Variants in CFAP97D1 observed in about 807,000 individuals in gnomAD.
CFAP97D1 encodes the protein sperm axonemal maintenance protein CFAP97D1.
In CFAP97D1, 15 loss-of-function variants were observed where a neutral mutation model predicts 20.5. That is an observed-to-expected ratio of 0.73 (90% CI 0.49 to 1.13). CFAP97D1 has a LOEUF of 1.13. CFAP97D1 is among the 50% of genes most tolerant of loss of function. The pLI, the probability that CFAP97D1 is intolerant of heterozygous loss-of-function variation, is 0.00. For synonymous variants in CFAP97D1, 58 were observed against 71.2 expected (o/e 0.82, Z 0.93); for missense variants, 168 against 202.9 (o/e 0.83, Z 1.04).
intron 1 of CFAP97D1, 97 bp downstream of exon 1, chr17:43,780,683 G>C: frequency 7.4e-7 from 1 of 1,358,674 alleles, no homozygotes; most frequent in Middle Eastern, 1.8e-4. Context: ...CACAGCTTTG[G>C]GATGATATGG....
rs2044277583 is a variant in CFAP97D1 at position 43,784,407 on chromosome 17, A to C, written c.*25A>C. On this transcript the variant is annotated 3_prime_UTR_variant, in exon 6 of 6. Transcript: ENST00000449302. ...GGTTACTCACCATGGAAAAGATACAAGAGAAGGCCCTAGGATTTCTTGGCT... is the reference window on the plus strand; with the variant it reads ...GGTTACTCACCATGGAAAAGATACACGAGAAGGCCCTAGGATTTCTTGGCT... 1 of 152,456 alleles carries C rather than the reference A, an allele frequency of 6.6e-6. No individual in the cohort carries two copies. The highest frequency in any genetic ancestry group is 1.5e-5 in the Non-Finnish European group (1 of 68,232). 9.4% of individuals were successfully genotyped at this position (152,456 alleles called of 1,614,324 possible).
chr17:43,786,860 T>A lies in CFAP97D1; in HGVS notation c.*2478T>A, dbSNP rs2044295863. 6.6e-6 allele frequency: 1 copy of A among 152,242 alleles called. No individual in the cohort carries two copies. Among genetic ancestry groups the A allele is most frequent in the South Asian group, 2.1e-4 (1 of 4,832 alleles). 9.4% of individuals were successfully genotyped at this position (152,242 alleles called of 1,614,324 possible). On this transcript the variant is annotated 3_prime_UTR_variant, in exon 6 of 6. Transcript: ENST00000449302. ...GTTCATCCAAGTTGTGTGTGCCTTT[T>A]TATTGCTGAGTAGTATTCCATGGTA...
intron 1 of CFAP97D1, 53 bp from the exon 2 acceptor site, chr17:43,781,066 G>A (rs1264462997): frequency 1.4e-6 from 2 of 1,380,324 alleles, no homozygotes; most frequent in South Asian, 1.2e-5. Flanking sequence ...TTCTGAGGCC[G>A]CTACTGGAAT....
At position 43,785,906 on chromosome 17, in the gene CFAP97D1, C is replaced by T. The variant is rs969252132; in HGVS notation, c.*1524C>T. On this transcript the variant is annotated 3_prime_UTR_variant, in exon 6 of 6. Coordinates refer to ENST00000449302, the MANE Select transcript of CFAP97D1 (RefSeq NM_001136483.3). ...TCAATTGGATCCTGTGTCCAAGCCCCGCCTCTGGAGTCAAGGCCTGCCTCC... is the reference window on the plus strand; with the variant it reads ...TCAATTGGATCCTGTGTCCAAGCCCTGCCTCTGGAGTCAAGGCCTGCCTCC... The T allele has an allele frequency of 2.0e-5, 3 of 152,130 alleles. No individual in the cohort carries two copies. Among genetic ancestry groups the T allele is most frequent in the Non-Finnish European group, 2.9e-5 (2 of 68,058 alleles). 9.4% of individuals were successfully genotyped at this position (152,130 alleles called of 1,614,324 possible). A position where few individuals can be genotyped will look rare whatever the true frequency, so the allele number is the denominator to read the frequency against.
rs941214873 is a variant in CFAP97D1 at position 43,784,789 on chromosome 17, A to C, written c.*407A>C. On this transcript the variant is annotated 3_prime_UTR_variant, in exon 6 of 6. Transcript: ENST00000449302. ...ACATCAAGGTTCAGAAAACACAAGG[A>C]ACAAATGCCATTAGTTCCTCTGTGA... 1 of 152,218 alleles carries C rather than the reference A, an allele frequency of 6.6e-6. No homozygotes were observed. Among genetic ancestry groups the C allele is most frequent in the African/African-American group, 2.4e-5 (1 of 41,442 alleles). The allele number at this position is 152,218 out of a possible 1,614,324, so 9.4% of individuals were successfully genotyped here.
At chr17:43,780,731 C>A in intron 1 of CFAP97D1, 145 bp downstream of exon 1, 1 of 871,694 alleles carries the variant, frequency 1.1e-6, no homozygotes, top group Non-Finnish European at 1.7e-6. Context: ...GCATTAGCAC[C>A]AATAACAAAA....
rs1470633785 is a variant in CFAP97D1 at position 43,786,195 on chromosome 17, G to T, written c.*1813G>T. On this transcript the variant is annotated 3_prime_UTR_variant, in exon 6 of 6. Transcript: ENST00000449302. ...TGTTTTTGTTCTTTCTGAATCCACA[G>T]CAAGTTGGATGATGCCTCTCCACAT... 6.6e-6 allele frequency: 1 copy of T among 152,174 alleles called. No individual in the cohort carries two copies. The highest frequency in any genetic ancestry group is 1.5e-5 in the Non-Finnish European group (1 of 68,046). 9.4% of individuals were successfully genotyped at this position (152,174 alleles called of 1,614,324 possible).
intron 3 of CFAP97D1, among the ~76,000 whole-genome samples, chr17:43,782,283 C>T (rs373098871): frequency 1.4e-4 from 22 of 152,196 alleles, no homozygotes; most frequent in African/African-American, 4.1e-4. Context: ...CCAGTAAATT[C>T]GGCATCTGAG....
chr17:43,783,177 C>G lies in CFAP97D1; in HGVS notation c.315-3C>G. On this transcript the variant is annotated splice_polypyrimidine_tract_variant and splice_region_variant and intron_variant, in intron 3 of 5. Coordinates refer to ENST00000449302, the MANE Select transcript of CFAP97D1 (RefSeq NM_001136483.3). Reference sequence around the variant, plus strand: ...ACCCATTTCGGGGTTTTGTGTTTTTCAGCTTAAACAGAGAAACAAGGAACC... The same window carrying G: ...ACCCATTTCGGGGTTTTGTGTTTTTGAGCTTAAACAGAGAAACAAGGAACC... 1 of 1,551,440 alleles carries G rather than the reference C, an allele frequency of 6.4e-7. No homozygotes were observed. Among genetic ancestry groups the G allele is most frequent in the South Asian group, 1.2e-5 (1 of 84,036 alleles).
rs559190861 is a variant in CFAP97D1 at position 43,786,042 on chromosome 17, G to T, written c.*1660G>T. 48 of 152,296 alleles carry T rather than the reference G, an allele frequency of 3.2e-4. No homozygotes were observed. Among genetic ancestry groups the T allele is most frequent in the Non-Finnish European group, 5.9e-4 (40 of 68,150 alleles). 9.4% of individuals were successfully genotyped at this position (152,296 alleles called of 1,614,324 possible). On this transcript the variant is annotated 3_prime_UTR_variant, in exon 6 of 6. Coordinates refer to ENST00000449302, the MANE Select transcript of CFAP97D1 (RefSeq NM_001136483.3). Reference sequence around the variant, plus strand: ...AGGCCAAAGGCTGAGAACCCACTAGGGGGGACAAGGGTGCTGGTGTGAGTC... The same window carrying T: ...AGGCCAAAGGCTGAGAACCCACTAGTGGGGACAAGGGTGCTGGTGTGAGTC...
chr17:43,783,332 GAC>G (rs1195458928), intron 4 of CFAP97D1, 29 bp downstream of exon 4: 2 of 1,550,642 alleles, frequency 1.3e-6, no homozygotes, highest in Non-Finnish European at 1.7e-6. Context: ...TATACTCCCA[GAC>G]ACACACAGAG....
chr17:43,781,773 GGGT>G lies in CFAP97D1; in HGVS notation c.197_199del (p.Gly66del). ...CATGGTGAGGTGTGGTTTCTTACCAGGGTGAACAAAAGAAAATCAACAAAATCG... is the reference window on the plus strand; with the variant it reads ...CATGGTGAGGTGTGGTTTCTTACCAGGAACAAAAGAAAATCAACAAAATCG... On this transcript the variant is annotated inframe_deletion and splice_region_variant, in exon 3 of 6. Coordinates refer to ENST00000449302, the MANE Select transcript of CFAP97D1 (RefSeq NM_001136483.3). 1 of 1,543,880 alleles carries G rather than the reference GGGT, an allele frequency of 6.5e-7. No individual in the cohort carries two copies. Among genetic ancestry groups the G allele is most frequent in the South Asian group, 1.2e-5 (1 of 83,898 alleles).
At chr17:43,783,801 C>T in intron 4 of CFAP97D1, 36 bp from the exon 5 acceptor site, 1 of 1,469,962 alleles carries the variant, frequency 6.8e-7, no homozygotes, top group Non-Finnish European at 9.3e-7. Context: ...GCACCAATGC[C>T]CTGGCATTGA....
Position 43,787,146 on chromosome 17 carries a change from T to C in CFAP97D1, c.*2764T>C, listed in dbSNP as rs1415942821. The C allele has an allele frequency of 5.3e-5, 8 of 152,100 alleles. No homozygotes were observed. The highest frequency in any genetic ancestry group is 1.0e-4 in the Non-Finnish European group (7 of 68,030). The allele number at this position is 152,100 out of a possible 1,614,324, so 9.4% of individuals were successfully genotyped here. ...CAGGCCCGGCTAATTTTTATATTTT[T>C]AGTAGAGACAGGGTTTCACCATGTT... On this transcript the variant is annotated 3_prime_UTR_variant, in exon 6 of 6. Coordinates refer to ENST00000449302, the MANE Select transcript of CFAP97D1 (RefSeq NM_001136483.3).
intron 3 of CFAP97D1, among the ~76,000 whole-genome samples, chr17:43,782,417 C>T (rs1974484078): frequency 6.6e-6 from 1 of 152,114 alleles, no homozygotes; most frequent in South Asian, 2.1e-4. Flanking sequence ...AAAGGCCCAC[C>T]CCCTAATACC....
chr17:43,783,547 G>T (rs1480076434), intron 4 of CFAP97D1, among the ~76,000 whole-genome samples: 1 of 151,472 alleles, frequency 6.6e-6, no homozygotes, highest in Non-Finnish European at 1.5e-5. Flanking sequence ...TTATGTGTCA[G>T]TTTCAGAAAA....
At chr17:43,781,962 G>A (rs1006236631) in intron 3 of CFAP97D1, 70 bp downstream of exon 3, 1 of 1,060,132 alleles carries the variant, frequency 9.4e-7, no homozygotes, top group Non-Finnish European at 1.4e-6. Flanking sequence ...TTTAGTGTGA[G>A]GTTTTCCCAA....
chr17:43,783,381 A>G (rs1227005555), intron 4 of CFAP97D1, 78 bp downstream of exon 4: 9 of 1,500,624 alleles, frequency 6.0e-6, no homozygotes, highest in Non-Finnish European at 8.1e-6. Context: ...TCTCAGAAAA[A>G]TCCCTGAACA....
intron 3 of CFAP97D1, among the ~76,000 whole-genome samples, chr17:43,782,354 G>C (rs1304066986): frequency 1.3e-5 from 2 of 152,190 alleles, no homozygotes; most frequent in African/African-American, 4.8e-5. Context: ...GAAGGAGAAA[G>C]AGGCTTCTTT....
Sources: allele counts gnomAD v4.1 joint callset (sites outside exome capture counted in the v4.1 genomes callset), GRCh38; gene constraint gnomAD v4.1.1; transcripts MANE v1.5; gene names NCBI Gene and HGNC (gene_info 2026-07-23, HGNC 2026-07-21).